HIPK2: variants seen among roughly 807,000 people sequenced by gnomAD.
HIPK2 encodes the protein homeodomain-interacting protein kinase 2.
A neutral mutation model predicts 113.7 loss-of-function variants in HIPK2; 27 were observed. The ratio of observed to expected loss-of-function variants is 0.24; its 90% CI spans 0.17 to 0.33. HIPK2 has a LOEUF of 0.33. HIPK2 is among the 10% of genes least tolerant of loss of function. The probability of loss-of-function intolerance (pLI) is 1.00; values close to 1 mark genes in which losing one functional copy is unlikely to be tolerated. For missense variants in HIPK2, 1,257 were observed against 1,588.0 expected (o/e 0.79, Z 3.54); for synonymous variants, 631 against 642.2 (o/e 0.98, Z 0.26).
intron 1 of HIPK2, among the ~76,000 whole-genome samples, chr7:139,751,346 C>T (rs118147381): frequency 2.6e-4 from 39 of 152,288 alleles, no homozygotes; most frequent in Non-Finnish European, 3.7e-4. Flanking sequence ...CCCACCACCA[C>T]CTCCAACCAC....
chr7:139,709,800 T>C (rs891765510), intron 2 of HIPK2, among the ~76,000 whole-genome samples: 1 of 152,234 alleles, frequency 6.6e-6, no homozygotes, highest in Non-Finnish European at 1.5e-5. Context: ...GTGGTGGGAT[T>C]TGAAACTAGG....
At chr7:139,599,679 A>AT (rs1020352348) in intron 11 of HIPK2, among the ~76,000 whole-genome samples, 2 of 152,212 alleles carry the variant, frequency 1.3e-5, no homozygotes, top group Non-Finnish European at 2.9e-5. Flanking sequence ...TTTCTTTAGT[A>AT]TTTTTTAAAA....
intron 13 of HIPK2, among the ~76,000 whole-genome samples, chr7:139,581,394 G>A (rs1013253993): frequency 6.6e-6 from 1 of 152,200 alleles, no homozygotes; most frequent in African/African-American, 2.4e-5. Context: ...CTCCTGCCCT[G>A]CCTGGGACTT....
At chr7:139,617,775 G>C (rs187455236) in intron 7 of HIPK2, among the ~76,000 whole-genome samples, 1 of 152,188 alleles carries the variant, frequency 6.6e-6, no homozygotes, top group East Asian at 1.9e-4. Context: ...ATATGTTAAA[G>C]GTAGCAAGAG....
rs1354608285 is a variant in HIPK2 at position 139,729,217 on chromosome 7, C to T, written c.20-12202G>A. Among the ~76,000 whole-genome samples the T allele has an allele frequency of 3.3e-5, 5 of 151,720 alleles. No homozygotes were observed. In the South Asian group the frequency reaches 8.3e-4, roughly 25 times the overall value. On this transcript the variant is annotated intron_variant, in intron 1 of 14. Coordinates refer to ENST00000406875, the MANE Select transcript of HIPK2 (RefSeq NM_022740.5). ...GTGCACACCCATAGTCCCAGCTATT[C>T]GGGAGGCTGAGGTGGGAGGATCACT...
intron 1 of HIPK2, among the ~76,000 whole-genome samples, chr7:139,759,000 C>G (rs147599218): frequency 1.2e-4 from 18 of 152,166 alleles, no homozygotes; most frequent in African/African-American, 4.3e-4. Context: ...GGGCAAACCA[C>G]CACCACTAAG....
chr7:139,573,493 G>A, intron 14 of HIPK2, 96 bp from the exon 15 acceptor site: 1 of 1,147,056 alleles, frequency 8.7e-7, no homozygotes, highest in Non-Finnish European at 1.2e-6. Flanking sequence ...AGGAAGAGAA[G>A]GGAAAGACTC....
intron 11 of HIPK2, among the ~76,000 whole-genome samples, chr7:139,597,251 G>C (rs1325255528): frequency 6.6e-6 from 1 of 152,228 alleles, no homozygotes; most frequent in Non-Finnish European, 1.5e-5. Context: ...GGCTTTCGGA[G>C]CAGGGAGGGG....
chr7:139,699,643 G>A (rs912744941), intron 2 of HIPK2, among the ~76,000 whole-genome samples: 1 of 152,238 alleles, frequency 6.6e-6, no homozygotes, highest in Non-Finnish European at 1.5e-5. Flanking sequence ...TCTGCACCAG[G>A]CACAAGGTGG....
At chr7:139,674,144 T>C (rs1802410564) in intron 2 of HIPK2, among the ~76,000 whole-genome samples, 1 of 151,942 alleles carries the variant, frequency 6.6e-6, no homozygotes. Flanking sequence ...AAGATTAATA[T>C]ATAAAAAAGA....
At chr7:139,717,347 T>C (rs1299766995) in intron 1 of HIPK2, among the ~76,000 whole-genome samples, 1 of 152,202 alleles carries the variant, frequency 6.6e-6, no homozygotes, top group Non-Finnish European at 1.5e-5. Context: ...TCCTCAGTTC[T>C]CCCTGGGTTG....
At chr7:139,768,723 C>T (rs371287023) in intron 1 of HIPK2, among the ~76,000 whole-genome samples, 2 of 152,154 alleles carry the variant, frequency 1.3e-5, no homozygotes, top group African/African-American at 4.8e-5. Flanking sequence ...CAGGAGCTTC[C>T]GTATGCCTCT....
chr7:139,592,746 A>G (rs968323426), intron 12 of HIPK2, among the ~76,000 whole-genome samples: 2 of 152,228 alleles, frequency 1.3e-5, no homozygotes, highest in Non-Finnish European at 2.9e-5. Context: ...GTAGACAATT[A>G]AATGCTTTTC....
At chr7:139,577,305 C>G (rs186987966) in intron 13 of HIPK2, among the ~76,000 whole-genome samples, 1 of 152,050 alleles carries the variant, frequency 6.6e-6, no homozygotes, top group African/African-American at 2.4e-5. Context: ...CCCGGCACCA[C>G]GCCTGGCTAA....
chr7:139,580,685 C>A (rs570868470), intron 13 of HIPK2, among the ~76,000 whole-genome samples: 13 of 152,356 alleles, frequency 8.5e-5, no homozygotes, highest in African/African-American at 3.1e-4. Context: ...GGCCCAGCCA[C>A]ATGGCTCTGG....
At chr7:139,776,810 C>T (rs1430566245) in intron 1 of HIPK2, among the ~76,000 whole-genome samples, 1 of 152,172 alleles carries the variant, frequency 6.6e-6, no homozygotes, top group Non-Finnish European at 1.5e-5. Context: ...GCTGACAGAA[C>T]GGACTGAAGA....
At chr7:139,615,510 T>G (rs1023845485) in intron 7 of HIPK2, among the ~76,000 whole-genome samples, 3 of 152,326 alleles carry the variant, frequency 2.0e-5, no homozygotes, top group African/African-American at 7.2e-5. Context: ...TGAGGCTGTA[T>G]AAGGAAAATA....
At chr7:139,705,793 T>C (rs1794875960) in intron 2 of HIPK2, among the ~76,000 whole-genome samples, 1 of 130,910 alleles carries the variant, frequency 7.6e-6, no homozygotes, top group Non-Finnish European at 1.6e-5. Flanking sequence ...ATAGTAATGA[T>C]AATACAAATA....
chr7:139,635,991 C>G (rs1031677237), intron 2 of HIPK2, among the ~76,000 whole-genome samples: 5 of 152,334 alleles, frequency 3.3e-5, no homozygotes, highest in African/African-American at 4.8e-5. Flanking sequence ...GTCATCTCCC[C>G]CTGTGGTTCC....
Sources: gnomAD v4.1 joint callset for allele counts (sites outside exome capture counted in the v4.1 genomes callset) on GRCh38, gnomAD v4.1.1 for gene constraint, MANE v1.5 for transcripts, NCBI Gene and HGNC (gene_info 2026-07-23, HGNC 2026-07-21) for gene names.